HDAC4: variants seen among roughly 807,000 people sequenced by gnomAD.
HDAC4 encodes the protein histone deacetylase A.
A neutral mutation model predicts 135.1 loss-of-function variants in HDAC4; 16 were observed. That is an observed-to-expected ratio of 0.12 (90% CI 0.08 to 0.18). The LOEUF (loss-of-function observed/expected upper bound fraction) is 0.18, where lower values mean the gene tolerates loss of function less well. HDAC4 is among the 10% of genes least tolerant of loss of function. HDAC4 has a pLI of 1.00. For synonymous variants in HDAC4, 685 were observed against 653.4 expected (o/e 1.05, Z -0.74); for missense variants, 1,143 against 1,511.8 (o/e 0.76, Z 4.05).
At chr2:239,288,397 CAGAA>C (rs1314554310) in intron 2 of HDAC4, among the ~76,000 whole-genome samples, 2 of 152,128 alleles carry the variant, frequency 1.3e-5, no homozygotes, top group Non-Finnish European at 2.9e-5. Flanking sequence ...TCAAGGACGA[CAGAA>C]GGAAGTCCAG....
chr2:239,180,912 A>G (rs2044110032), intron 4 of HDAC4, among the ~76,000 whole-genome samples: 1 of 152,172 alleles, frequency 6.6e-6, no homozygotes, highest in African/African-American at 2.4e-5. Context: ...GGGCTGGGTC[A>G]TTGCAGCCTG....
intron 22 of HDAC4, among the ~76,000 whole-genome samples, chr2:239,078,399 TC>T (rs1457950158): frequency 8.0e-6 from 1 of 124,378 alleles, no homozygotes; most frequent in Non-Finnish European, 1.8e-5. Context: ...GCATGCATTG[TC>T]CCCGGGGGGC....
chr2:239,124,635 C>T (rs1470485255), intron 12 of HDAC4, among the ~76,000 whole-genome samples: 2 of 148,802 alleles, frequency 1.3e-5, no homozygotes, highest in South Asian at 2.1e-4. Context: ...GGCATGTGGC[C>T]GCACATCATT....
In HDAC4 at chr2:239,189,899, A is replaced by T; in HGVS notation, c.273T>A (p.Ala91=). Residue 91 remains alanine, a synonymous_variant, in exon 4 of 27, where the codon GCT becomes GCA. Transcript: ENST00000543185. ...KQQIQRQILI[A]EFQRQHEQLS... is the part of the protein sequence containing the mutation. ...GCTGCTCGTGCTGCCTCTGGAACTC[A>T]GCGATGAGGATCTGCCTCTGGATCT... 5.0e-6 allele frequency: 8 copies of T among 1,611,122 alleles called. No homozygotes were observed. The highest frequency in any genetic ancestry group is 6.8e-6 in the Non-Finnish European group (8 of 1,179,884).
At chr2:239,374,124 C>T (rs1437158336) in intron 1 of HDAC4, among the ~76,000 whole-genome samples, 2 of 152,194 alleles carry the variant, frequency 1.3e-5, no homozygotes, top group African/African-American at 4.8e-5. Context: ...CAGGCACCAA[C>T]GGATGCAAAG....
In HDAC4 at chr2:239,141,265, C is replaced by A. The variant is rs1405554611; in HGVS notation, c.866-1469G>T. Among the ~76,000 whole-genome samples the A allele has an allele frequency of 1.3e-5, 2 of 152,124 alleles. No individual in the cohort carries two copies. The highest frequency in any genetic ancestry group is 4.8e-5 in the African/African-American group (2 of 41,426). ...ATCTTGCCCTCAACAGCAGGGCAGT[C>A]TAAACCTCCCAAGGGCAAACCAGGG... On this transcript the variant is annotated intron_variant, in intron 8 of 26. Coordinates refer to ENST00000543185, the MANE Select transcript of HDAC4 (RefSeq NM_001378414.1). This position sits in a 1 kb window ranked among gnomAD's most constrained non-coding sequence, Gnocchi z 4.9.
chr2:239,371,502 C>T (rs985198763), intron 1 of HDAC4, among the ~76,000 whole-genome samples: 2 of 152,148 alleles, frequency 1.3e-5, no homozygotes, highest in African/African-American at 2.4e-5. Context: ...CACAAACATG[C>T]ATGCTCACAC....
At chr2:239,169,470 G>A (rs1214116376) in intron 5 of HDAC4, among the ~76,000 whole-genome samples, 1 of 152,268 alleles carries the variant, frequency 6.6e-6, no homozygotes, top group Admixed American at 6.5e-5. Context: ...GCTTTCTAAA[G>A]TGGAAAGCAA....
chr2:239,197,882 T>TGTGTGTGTGTGTGTGTGTGC (rs796837146), intron 3 of HDAC4, among the ~76,000 whole-genome samples: 4 of 150,312 alleles, frequency 2.7e-5, no homozygotes, highest in African/African-American at 9.9e-5. Context: ...TGTGTGTGTG[T>TGTGTGTGTGTGTGTGTGTGC]GCTGAGTGTC....
chr2:239,095,195 C>T (rs2036903497), intron 16 of HDAC4, 139 bp from the exon 17 acceptor site: 2 of 873,846 alleles, frequency 2.3e-6, no homozygotes, highest in Admixed American at 1.9e-5. Context: ...CCCCTTGTGA[C>T]ACCCTGTGGC....
chr2:239,329,493 C>G (rs1014031099), intron 2 of HDAC4, among the ~76,000 whole-genome samples: 11 of 152,068 alleles, frequency 7.2e-5, no homozygotes, highest in African/African-American at 2.7e-4. Context: ...TTTCTGCACA[C>G]CCCTCCTCCC....
At chr2:239,401,610 C>T (rs965684692), upstream of HDAC4, 2 of 247,324 alleles carry the variant, frequency 8.1e-6, no homozygotes, top group South Asian at 3.8e-5. Flanking sequence ...ACGCGGGGAG[C>T]CGGCCAGGCC....
intron 22 of HDAC4, among the ~76,000 whole-genome samples, chr2:239,079,156 G>A (rs1044978006): frequency 3.3e-5 from 5 of 152,218 alleles, no homozygotes; most frequent in Non-Finnish European, 5.9e-5. Context: ...ACACGCCCAC[G>A]CCAGGGGTCC....
chr2:239,214,755 A>G (rs548551501), intron 3 of HDAC4, among the ~76,000 whole-genome samples: 3 of 152,334 alleles, frequency 2.0e-5, no homozygotes, highest in East Asian at 3.9e-4. Flanking sequence ...ATTTACCAAG[A>G]TTTTAGAACA....
intron 2 of HDAC4, among the ~76,000 whole-genome samples, chr2:239,279,583 G>A (rs570235515): frequency 6.6e-6 from 1 of 152,342 alleles, no homozygotes; most frequent in South Asian, 2.1e-4. Context: ...AGAAGGGCAG[G>A]GGTGGGAGCA....
chr2:239,266,517 C>G (rs112848485), intron 2 of HDAC4, among the ~76,000 whole-genome samples: 99 of 152,332 alleles, frequency 6.5e-4, no homozygotes, highest in African/African-American at 2.3e-3. Context: ...ATGAGGCTAA[C>G]AATTACATAC....
intron 3 of HDAC4, among the ~76,000 whole-genome samples, chr2:239,220,478 C>T (rs1004013187): frequency 3.9e-5 from 6 of 152,128 alleles, no homozygotes; most frequent in South Asian, 2.1e-4. Context: ...TGACAGATTG[C>T]GGATCTAGGC....
intron 3 of HDAC4, among the ~76,000 whole-genome samples, chr2:239,221,987 C>T (rs2046981975): frequency 6.6e-6 from 1 of 152,144 alleles, no homozygotes; most frequent in African/African-American, 2.4e-5. Context: ...AAATTTGATT[C>T]GAACAGAAAA....
intron 9 of HDAC4, among the ~76,000 whole-genome samples, chr2:239,138,632 C>T (rs2041135265): frequency 6.6e-6 from 1 of 152,182 alleles, no homozygotes; most frequent in Non-Finnish European, 1.5e-5. Context: ...GCAGTCAGGC[C>T]CACCCAGGCC....
Sources: gnomAD v4.1 joint callset for allele counts (sites outside exome capture counted in the v4.1 genomes callset) on GRCh38, gnomAD v4.1.1 for gene constraint, Gnocchi (gnomAD v3.1) non-coding constraint, MANE v1.5 for transcripts, NCBI Gene and HGNC (gene_info 2026-07-23, HGNC 2026-07-21) for gene names.